The following PID1 variants were observed in gnomAD, a reference collection of about 807,000 sequenced individuals.
PID1 encodes the protein PTB-containing, cubilin and LRP1-interacting protein.
In PID1, 10 loss-of-function variants were observed where a neutral mutation model predicts 19.1. The ratio of observed to expected loss-of-function variants is 0.52; its 90% CI spans 0.32 to 0.89. The LOEUF (loss-of-function observed/expected upper bound fraction) is 0.89, where lower values mean the gene tolerates loss of function less well. PID1 is among the 40% of genes least tolerant of loss of function. PID1 has a pLI of 0.03. For missense variants in PID1, 248 were observed against 285.3 expected (o/e 0.87, Z 0.94); for synonymous variants, 130 against 116.0 (o/e 1.12, Z -0.78).
rs557039183 is a variant in PID1 at position 229,234,563 on chromosome 2, G to A, written c.30+36451C>T. Among the ~76,000 whole-genome samples the A allele has an allele frequency of 2.0e-5, 3 of 152,198 alleles. No homozygotes were observed. In the South Asian group the frequency reaches 6.2e-4, roughly 32 times the overall value. The stretch of plus-strand genomic sequence containing the variant: ...TTTCAGCCCAGTAAGATCCATTTGG[G>A]GCTTCTGACTTCAAAATCAGTAAAA... On this transcript the variant is annotated intron_variant, in intron 1 of 2. Coordinates refer to ENST00000392055, the MANE Select transcript of PID1 (RefSeq NM_001100818.2).
intron 1 of PID1, among the ~76,000 whole-genome samples, chr2:229,265,138 C>T (rs939432067): frequency 2.0e-5 from 3 of 151,770 alleles, no homozygotes; most frequent in Non-Finnish European, 2.9e-5. Context: ...GCTTTTTTTT[C>T]GTTATTTTTT....
chr2:229,226,317 C>CAGTT, intron 1 of PID1, among the ~76,000 whole-genome samples: 1 of 152,196 alleles, frequency 6.6e-6, no homozygotes, highest in Non-Finnish European at 1.5e-5. Context: ...ATTGGTTTAA[C>CAGTT]AGTTGCTTTT....
intron 1 of PID1, among the ~76,000 whole-genome samples, chr2:229,200,913 G>T (rs1224472149): frequency 6.6e-6 from 1 of 152,020 alleles, no homozygotes; most frequent in African/African-American, 2.4e-5. Context: ...TGTATGTATG[G>T]AGAACACAAT....
chr2:229,210,818 C>CAGGGGACCTAAA (rs1451377209), intron 1 of PID1, among the ~76,000 whole-genome samples: 1 of 152,172 alleles, frequency 6.6e-6, no homozygotes, highest in East Asian at 1.9e-4. Context: ...CGGTCCCCTC[C>CAGGGGACCTAAA]AGGGGAGACA....
chr2:229,094,475 T>C (rs1373540176), intron 2 of PID1, among the ~76,000 whole-genome samples: 2 of 152,012 alleles, frequency 1.3e-5, no homozygotes, highest in Admixed American at 1.3e-4. Context: ...AAAGCCCAAA[T>C]AGCCAAAGCA....
chr2:229,061,534 T>A (rs1694212414), intron 2 of PID1, among the ~76,000 whole-genome samples: 1 of 152,090 alleles, frequency 6.6e-6, no homozygotes, highest in South Asian at 2.1e-4. Flanking sequence ...TGAAGTCAGA[T>A]AGTGTGATGC....
intron 1 of PID1, among the ~76,000 whole-genome samples, chr2:229,190,141 A>G (rs1317870838): frequency 6.6e-6 from 1 of 152,206 alleles, no homozygotes; most frequent in Non-Finnish European, 1.5e-5. Flanking sequence ...GGTTATGGCA[A>G]GTGACGTTGG....
At position 229,042,170 on chromosome 2, in the gene PID1, G is replaced by T. The variant is rs183230688; in HGVS notation, c.178-16062C>A. 2.4e-3 allele frequency among the ~76,000 whole-genome samples: 364 copies of T among 152,132 alleles called. 3 individuals carry two copies. The highest frequency in any genetic ancestry group is 8.3e-3 in the African/African-American group (343 of 41,526). On this transcript the variant is annotated intron_variant, in intron 2 of 2. Transcript: ENST00000392055. Reference sequence around the variant, plus strand: ...TTCAAAAGACAATAATTGTGTGTCTGTAAGAGAAAAAGATAGAAATATACA... The same window carrying T: ...TTCAAAAGACAATAATTGTGTGTCTTTAAGAGAAAAAGATAGAAATATACA...
At chr2:229,268,897 A>G (rs1355129528) in intron 1 of PID1, among the ~76,000 whole-genome samples, 3 of 152,232 alleles carry the variant, frequency 2.0e-5, no homozygotes, top group Non-Finnish European at 2.9e-5. Context: ...TAAATAAAAT[A>G]TGATAAGCAG....
At chr2:229,215,537 C>T (rs1691826259) in intron 1 of PID1, among the ~76,000 whole-genome samples, 1 of 152,130 alleles carries the variant, frequency 6.6e-6, no homozygotes, top group Non-Finnish European at 1.5e-5. Flanking sequence ...TCTCACAATT[C>T]CCCTTGACCA....
At chr2:229,270,700 T>A (rs553319509) in intron 1 of PID1, among the ~76,000 whole-genome samples, 1 of 149,664 alleles carries the variant, frequency 6.7e-6, no homozygotes, top group Non-Finnish European at 1.5e-5. Flanking sequence ...CCCAGACCAC[T>A]GCATTGTGTC....
intron 1 of PID1, among the ~76,000 whole-genome samples, chr2:229,255,853 C>T (rs982105486): frequency 6.6e-6 from 1 of 152,160 alleles, no homozygotes; most frequent in Non-Finnish European, 1.5e-5. Flanking sequence ...AAGCAATGAC[C>T]ATGGCTCCCC....
At chr2:229,038,537 T>C (rs1693707863) in intron 2 of PID1, among the ~76,000 whole-genome samples, 1 of 152,246 alleles carries the variant, frequency 6.6e-6, no homozygotes, top group Non-Finnish European at 1.5e-5. Flanking sequence ...GGGCAGGGAC[T>C]ACTTTTATTT....
intron 1 of PID1, among the ~76,000 whole-genome samples, chr2:229,243,393 AGGGT>A (rs1478328190): frequency 6.6e-6 from 1 of 152,096 alleles, no homozygotes; most frequent in African/African-American, 2.4e-5. Context: ...TTCTTTGTGA[AGGGT>A]TCCTTTCTAG....
At chr2:229,068,712 C>T (rs935638147) in intron 2 of PID1, among the ~76,000 whole-genome samples, 2 of 152,148 alleles carry the variant, frequency 1.3e-5, no homozygotes, top group South Asian at 2.1e-4. Flanking sequence ...AAGTTATGTT[C>T]CATGGACACA....
At chr2:229,153,305 G>T (rs1690294895) in intron 2 of PID1, among the ~76,000 whole-genome samples, 1 of 152,188 alleles carries the variant, frequency 6.6e-6, no homozygotes, top group Non-Finnish European at 1.5e-5. Context: ...TCTTCCTTCA[G>T]ATAGAATAAT....
chr2:229,252,400 C>G lies in PID1; in HGVS notation c.30+18614G>C, dbSNP rs542851541. Among the ~76,000 whole-genome samples the G allele has an allele frequency of 5.3e-5, 8 of 152,334 alleles. No individual in the cohort carries two copies. The South Asian group carries it at 1.2e-3, about 24-fold the overall frequency. On this transcript the variant is annotated intron_variant, in intron 1 of 2. Coordinates refer to ENST00000392055, the MANE Select transcript of PID1 (RefSeq NM_001100818.2). ...AATTTTGATTTCCAAAAGACTCCCT[C>G]TAAGTTTCATCAACTGCTTGCCTAC...
chr2:229,177,762 T>C lies in PID1; in HGVS notation c.31-21798A>G, dbSNP rs570857850. ...TCATCATCATCATCATCATTGTCAG[T>C]CATTCTCTTGGCTAGCATCTATTGA... On this transcript the variant is annotated intron_variant, in intron 1 of 2. Transcript: ENST00000392055. Among the ~76,000 whole-genome samples the C allele has an allele frequency of 9.2e-5, 14 of 152,250 alleles. No homozygotes were observed. The South Asian group carries it at 2.3e-3, about 25-fold the overall frequency.
At chr2:229,030,215 T>C (rs745335261) in intron 2 of PID1, among the ~76,000 whole-genome samples, 2 of 152,268 alleles carry the variant, frequency 1.3e-5, no homozygotes, top group East Asian at 1.9e-4. Flanking sequence ...GTTAACATCA[T>C]AGAAACAGAC....
Sources: allele counts gnomAD v4.1 joint callset (sites outside exome capture counted in the v4.1 genomes callset), GRCh38; gene constraint gnomAD v4.1.1; transcripts MANE v1.5; gene names NCBI Gene and HGNC (gene_info 2026-07-23, HGNC 2026-07-21).